The following PPFIA2 variants were observed in gnomAD, a reference collection of about 807,000 sequenced individuals.
PPFIA2 encodes liprin-alpha-2.
PPFIA2 carries 46 observed loss-of-function variants against 175.5 expected under a neutral mutation model. The observed-to-expected ratio is 0.26, with a 90% confidence interval of 0.21 to 0.34. The LOEUF (loss-of-function observed/expected upper bound fraction) is 0.34, where lower values mean the gene tolerates loss of function less well. Ranked by LOEUF, PPFIA2 falls within the 10% of genes least tolerant of loss-of-function variation. PPFIA2 has a pLI of 1.00. For synonymous variants in PPFIA2, 568 were observed against 511.4 expected (o/e 1.11, Z -1.49); for missense variants, 1,179 against 1,506.1 (o/e 0.78, Z 3.60).
At chr12:81,497,836 A>G (rs1851385) in intron 4 of PPFIA2, among the ~76,000 whole-genome samples, 78,064 of 151,844 alleles carry the variant, frequency 0.51, 20,329 homozygotes, top group African/African-American at 0.59. Context: ...ACCACACCTG[A>G]CCCTCATAGT....
chr12:81,601,654 C>A (rs916696856), intron 4 of PPFIA2, among the ~76,000 whole-genome samples: 1 of 151,716 alleles, frequency 6.6e-6, no homozygotes, highest in Non-Finnish European at 1.5e-5. Context: ...TCCTAATGGG[C>A]AGGAACTGAA....
intron 3 of PPFIA2, among the ~76,000 whole-genome samples, chr12:81,746,308 A>G (rs2464739): frequency 0.81 from 116,210 of 143,560 alleles, 50,450 homozygotes; most frequent in Middle Eastern, 0.95. Context: ...TAAGAACTAA[A>G]AGAGTATGGT....
intron 17 of PPFIA2, 93 bp downstream of exon 17, chr12:81,353,026 T>C: frequency 1.8e-6 from 2 of 1,110,864 alleles, no homozygotes; most frequent in South Asian, 1.4e-5. Context: ...AAGCTCCCAG[T>C]TAATGCTAAT....
intron 21 of PPFIA2, among the ~76,000 whole-genome samples, chr12:81,333,415 C>A (rs2056507931): frequency 6.6e-6 from 1 of 152,120 alleles, no homozygotes. Flanking sequence ...TGATTCCAAT[C>A]CTCTACAGGT....
chr12:81,557,506 A>G (rs959588950), intron 4 of PPFIA2, among the ~76,000 whole-genome samples: 2 of 152,010 alleles, frequency 1.3e-5, no homozygotes, highest in African/African-American at 4.8e-5. Flanking sequence ...ACCAAAGTGG[A>G]GAAGTATCTT....
chr12:81,744,665 A>T (rs2082807311), intron 3 of PPFIA2, among the ~76,000 whole-genome samples: 1 of 152,128 alleles, frequency 6.6e-6, no homozygotes, highest in Non-Finnish European at 1.5e-5. Context: ...ACCTCAGGTG[A>T]TCTACCCACC....
chr12:81,490,678 T>A (rs1002098470), intron 4 of PPFIA2, among the ~76,000 whole-genome samples: 1 of 151,896 alleles, frequency 6.6e-6, no homozygotes, highest in Non-Finnish European at 1.5e-5. Context: ...AGACTTTCAG[T>A]CAGATTCTTT....
chr12:81,427,818 T>C (rs1381015049), intron 7 of PPFIA2, among the ~76,000 whole-genome samples: 1 of 152,022 alleles, frequency 6.6e-6, no homozygotes, highest in Non-Finnish European at 1.5e-5. Context: ...ATCCAAATAT[T>C]ACGACTTCTT....
intron 26 of PPFIA2, chr12:81,282,720 C>T (rs558709551): frequency 8.5e-6 from 2 of 234,576 alleles, no homozygotes; most frequent in Middle Eastern, 1.5e-3. Flanking sequence ...TAAATATATA[C>T]AGGAGTGATT....
At chr12:81,434,922 G>C (rs771109371) in intron 7 of PPFIA2, among the ~76,000 whole-genome samples, 4 of 151,788 alleles carry the variant, frequency 2.6e-5, no homozygotes, top group Non-Finnish European at 5.9e-5. Flanking sequence ...TAACAGTTTG[G>C]CACTTATATC....
chr12:81,501,324 GC>G (rs2060574024), intron 4 of PPFIA2, among the ~76,000 whole-genome samples: 1 of 151,882 alleles, frequency 6.6e-6, no homozygotes, highest in Non-Finnish European at 1.5e-5. Context: ...TTATTTAGAT[GC>G]CCCCTTCTCA....
At chr12:81,624,501 A>G (rs1170562824) in intron 4 of PPFIA2, among the ~76,000 whole-genome samples, 1 of 146,996 alleles carries the variant, frequency 6.8e-6, no homozygotes, top group Non-Finnish European at 1.5e-5. Flanking sequence ...ATGATACTAT[A>G]TATTATTATA....
intron 4 of PPFIA2, among the ~76,000 whole-genome samples, chr12:81,565,640 A>G (rs896444288): frequency 6.6e-6 from 1 of 152,150 alleles, no homozygotes; most frequent in African/African-American, 2.4e-5. Flanking sequence ...TTTTGCCACC[A>G]CTTCATTTTC....
chr12:81,468,830 C>A (rs2056223265), intron 4 of PPFIA2, among the ~76,000 whole-genome samples: 1 of 151,536 alleles, frequency 6.6e-6, no homozygotes. Context: ...CACACTGTAG[C>A]TCAGAAAATA....
At chr12:81,306,443 GT>G (rs1319752428) in intron 22 of PPFIA2, among the ~76,000 whole-genome samples, 4 of 151,434 alleles carry the variant, frequency 2.6e-5, no homozygotes, top group Non-Finnish European at 4.4e-5. Context: ...GAAAATATGT[GT>G]AATATGATTA....
intron 30 of PPFIA2, 96 bp downstream of exon 30, chr12:81,266,856 T>C: frequency 1.2e-6 from 1 of 843,146 alleles, no homozygotes; most frequent in Non-Finnish European, 1.9e-6. Flanking sequence ...GAACAGTCAT[T>C]TGATTAATTT....
Position 81,455,483 on chromosome 12 carries a change from T to C in PPFIA2, c.405+2282A>G, listed in dbSNP as rs148710500. ...GCATGGTTGAAATCAATGGCTTCAA[T>C]ATCTGTTATTGTTATTTTAAAGGAA... On this transcript the variant is annotated intron_variant, in intron 5 of 32. Coordinates refer to ENST00000549396, the MANE Select transcript of PPFIA2 (RefSeq NM_003625.5). Among the ~76,000 whole-genome samples, 606 of 152,342 alleles carry C rather than the reference T, an allele frequency of 4.0e-3. 6 individuals carry two copies. The Middle Eastern group carries it at 0.054, about 14-fold the overall frequency.
intron 5 of PPFIA2, among the ~76,000 whole-genome samples, chr12:81,448,001 CTG>C (rs2051645994): frequency 6.6e-6 from 1 of 151,962 alleles, no homozygotes; most frequent in Non-Finnish European, 1.5e-5. Flanking sequence ...ACAATGAAAA[CTG>C]TTTTTTTTTC....
chr12:81,346,389 T>C (rs2059075019), intron 18 of PPFIA2, among the ~76,000 whole-genome samples: 1 of 151,720 alleles, frequency 6.6e-6, no homozygotes, highest in Non-Finnish European at 1.5e-5. Context: ...CCTCCAGTTT[T>C]GCCACGAGAA....
Sources: gnomAD v4.1 joint callset for allele counts (sites outside exome capture counted in the v4.1 genomes callset) on GRCh38, gnomAD v4.1.1 for gene constraint, MANE v1.5 for transcripts, NCBI Gene and HGNC (gene_info 2026-07-23, HGNC 2026-07-21) for gene names.